The following PARD3B variants were observed in gnomAD, a reference collection of about 807,000 sequenced individuals.
The protein encoded by PARD3B is par-3 family cell polarity regulator beta.
Under a neutral mutation model 130.2 loss-of-function variants are expected in PARD3B, and 103 were observed. The ratio of observed to expected loss-of-function variants is 0.79; its 90% CI spans 0.67 to 0.93. PARD3B has a LOEUF of 0.93. PARD3B is among the 40% of genes least tolerant of loss of function. PARD3B has a pLI of 0.00. For missense variants in PARD3B, 1,609 were observed against 1,499.2 expected, an observed-to-expected ratio of 1.07 and a Z score of -1.21; for synonymous variants, 583 against 553.2, an observed-to-expected ratio of 1.05 and a Z score of -0.76.
At chr2:204,666,257 G>A (rs2036019177) in intron 1 of PARD3B, among the ~76,000 whole-genome samples, 1 of 152,210 alleles carries the variant, frequency 6.6e-6, no homozygotes, top group Non-Finnish European at 1.5e-5. Flanking sequence ...AATGGTGGGT[G>A]CGATGGAATA....
chr2:205,054,319 C>G (rs188647834), intron 4 of PARD3B, among the ~76,000 whole-genome samples: 1 of 145,424 alleles, frequency 6.9e-6, no homozygotes, highest in South Asian at 2.2e-4. Context: ...CTTCTTGGGT[C>G]TTAGTCTAAC....
chr2:204,697,094 G>A (rs1434606692), intron 2 of PARD3B, among the ~76,000 whole-genome samples: 1 of 152,064 alleles, frequency 6.6e-6, no homozygotes, highest in Non-Finnish European at 1.5e-5. Context: ...TTGTGTAAAA[G>A]TTGAAGAATC....
Position 204,933,409 on chromosome 2 carries a change from T to C in PARD3B, c.223-31743T>C, listed in dbSNP as rs1295694889. On this transcript the variant is annotated intron_variant, in intron 2 of 22. Transcript: ENST00000406610. ...TGTAGGCAGATTAGAATATTGGTAA[T>C]TGGAAATAGAGGAGTTTTAACTAAT... Among the ~76,000 whole-genome samples the C allele has an allele frequency of 3.3e-5, 5 of 152,166 alleles. No individual in the cohort carries two copies. The East Asian group carries it at 9.6e-4, about 29-fold the overall frequency.
intron 20 of PARD3B, among the ~76,000 whole-genome samples, chr2:205,486,019 C>T (rs1484975732): frequency 2.6e-4 from 40 of 152,110 alleles, no homozygotes; most frequent in Admixed American, 2.6e-3. Context: ...AGGGTCAAGT[C>T]GGGGTCTTAA....
intron 16 of PARD3B, among the ~76,000 whole-genome samples, chr2:205,295,273 G>T (rs1439605099): frequency 6.6e-6 from 1 of 152,152 alleles, no homozygotes; most frequent in African/African-American, 2.4e-5. Context: ...TATTGTGTTT[G>T]TCCAAGTTGA....
intron 2 of PARD3B, among the ~76,000 whole-genome samples, chr2:204,762,546 G>T (rs2040950054): frequency 6.6e-6 from 1 of 152,118 alleles, no homozygotes; most frequent in South Asian, 2.1e-4. Flanking sequence ...ACAGATATTT[G>T]CATTGAATTA....
chr2:205,569,557 G>C (rs747724351), intron 22 of PARD3B, among the ~76,000 whole-genome samples: 2 of 152,132 alleles, frequency 1.3e-5, no homozygotes, highest in Non-Finnish European at 2.9e-5. Context: ...AACTGACTGT[G>C]ATATTGTTAT....
chr2:205,325,682 C>T lies in PARD3B; in HGVS notation c.2630+23981C>T, dbSNP rs1347642970. Among the ~76,000 whole-genome samples the T allele has an allele frequency of 2.0e-5, 3 of 151,948 alleles. No individual in the cohort carries two copies. The highest frequency in any genetic ancestry group is 6.6e-5 in the Admixed American group (1 of 15,246). On this transcript the variant is annotated intron_variant, in intron 18 of 22. Coordinates refer to ENST00000406610, the MANE Select transcript of PARD3B (RefSeq NM_001302769.2). The surrounding 1 kb of genome is among the most constrained non-coding windows in gnomAD (Gnocchi z 4.1). ...AGCTGGGATTGCAAGTATGAGCCACCGTACCCAGCTTCATCCTATTATTTT... is the reference window on the plus strand; with the variant it reads ...AGCTGGGATTGCAAGTATGAGCCACTGTACCCAGCTTCATCCTATTATTTT...
chr2:205,197,117 G>A (rs2036742320), intron 15 of PARD3B, among the ~76,000 whole-genome samples: 1 of 149,642 alleles, frequency 6.7e-6, no homozygotes, highest in African/African-American at 2.4e-5. Flanking sequence ...TATAATGTTT[G>A]CTATTGGCTT....
chr2:205,077,127 T>C (rs1034520522), intron 4 of PARD3B, among the ~76,000 whole-genome samples: 1 of 152,052 alleles, frequency 6.6e-6, no homozygotes, highest in Admixed American at 6.6e-5. Flanking sequence ...TAAACAAATA[T>C]ATATATCTCT....
chr2:204,770,402 T>TGAGGA (rs1264435392), intron 2 of PARD3B, among the ~76,000 whole-genome samples: 1 of 146,316 alleles, frequency 6.8e-6, no homozygotes, highest in Non-Finnish European at 1.5e-5. Flanking sequence ...TTACGTTTGC[T>TGAGGA]GAGGAGAGCT....
At chr2:205,225,547 G>C (rs1412036208) in intron 15 of PARD3B, among the ~76,000 whole-genome samples, 1 of 152,102 alleles carries the variant, frequency 6.6e-6, no homozygotes, top group Non-Finnish European at 1.5e-5. Context: ...CACTCACACT[G>C]TTTTAAAGAA....
At chr2:204,762,114 C>CTTTTTTTTTT (rs1559124381) in intron 2 of PARD3B, among the ~76,000 whole-genome samples, 2 of 121,698 alleles carry the variant, frequency 1.6e-5, no homozygotes, top group African/African-American at 3.3e-5. Context: ...CCTTCTTTTT[C>CTTTTTTTTTT]TATTTTTTTT....
At chr2:205,487,463 TA>T (rs5837972) in intron 20 of PARD3B, among the ~76,000 whole-genome samples, 134,257 of 151,914 alleles carry the variant, frequency 0.88, 60,523 homozygotes, top group Non-Finnish European at 0.97. Flanking sequence ...TCCTCTAAAT[TA>T]AAAAAAAATA....
intron 2 of PARD3B, among the ~76,000 whole-genome samples, chr2:204,827,321 G>A (rs994242797): frequency 8.5e-5 from 13 of 152,134 alleles, no homozygotes; most frequent in Non-Finnish European, 1.5e-4. Context: ...AATACTTGGA[G>A]AACTTTTTAT....
chr2:205,425,811 T>A (rs1453047959), intron 19 of PARD3B, among the ~76,000 whole-genome samples: 1 of 152,176 alleles, frequency 6.6e-6, no homozygotes, highest in Non-Finnish European at 1.5e-5. Flanking sequence ...TCCATGATCT[T>A]TGGCAAACCA....
At position 205,500,037 on chromosome 2, in the gene PARD3B, C is replaced by A; in HGVS notation, c.3180+6C>A. 1 of 1,610,840 alleles carries A rather than the reference C, an allele frequency of 6.2e-7. No homozygotes were observed. Among genetic ancestry groups the A allele is most frequent in the Non-Finnish European group, 8.5e-7 (1 of 1,178,704 alleles). The stretch of plus-strand genomic sequence containing the variant: ...CTGAGTATGACCTACTCTGGGTAAG[C>A]GCATGCATGATTTCAATCGTTGAAT... On this transcript the variant is annotated splice_donor_region_variant and intron_variant, in intron 21 of 22. Transcript: ENST00000406610.
rs187876988 is a variant in PARD3B, at chr2:205,219,020, C to T, written c.2140+25700C>T. On this transcript the variant is annotated intron_variant, in intron 15 of 22. Transcript: ENST00000406610. ...GCTTGAATCTGAGAGGCGGAAGTTACGGTGAGCTGAGATTGCACCACTGCA... is the reference window on the plus strand; with the variant it reads ...GCTTGAATCTGAGAGGCGGAAGTTATGGTGAGCTGAGATTGCACCACTGCA... 2.7e-4 allele frequency among the ~76,000 whole-genome samples: 41 copies of T among 151,222 alleles called. No individual in the cohort carries two copies. The East Asian group carries it at 7.2e-3, about 27-fold the overall frequency.
chr2:204,954,782 G>A (rs1456025025), intron 2 of PARD3B, among the ~76,000 whole-genome samples: 1 of 152,172 alleles, frequency 6.6e-6, no homozygotes, highest in Admixed American at 6.5e-5. Context: ...AAACCCTAAA[G>A]ATATTCATAC....
Sources: gnomAD v4.1 joint callset for allele counts (sites outside exome capture counted in the v4.1 genomes callset) on GRCh38, gnomAD v4.1.1 for gene constraint, Gnocchi (gnomAD v3.1) non-coding constraint, MANE v1.5 for transcripts, NCBI Gene and HGNC (gene_info 2026-07-23, HGNC 2026-07-21) for gene names.